Variants in RAD51B observed in about 807,000 individuals in gnomAD.
RAD51B encodes the protein RAD51 paralog B.
Under a neutral mutation model 42.2 loss-of-function variants are expected in RAD51B, and 38 were observed. The ratio of observed to expected loss-of-function variants is 0.90; its 90% CI spans 0.70 to 1.18. The LOEUF (loss-of-function observed/expected upper bound fraction) is 1.18. Ranked by LOEUF, RAD51B falls within the 50% of genes most tolerant of loss-of-function variation. The probability of loss-of-function intolerance (pLI) is 0.00; values close to 1 mark genes in which losing one functional copy is unlikely to be tolerated. For synonymous variants in RAD51B, 154 were observed against 145.2 expected, an observed-to-expected ratio of 1.06 and a Z score of -0.43; for missense variants, 373 against 400.7, an observed-to-expected ratio of 0.93 and a Z score of 0.59.
At chr14:68,556,508 G>A (rs898665733) in intron 10 of RAD51B, among the ~76,000 whole-genome samples, 2 of 152,316 alleles carry the variant, frequency 1.3e-5, no homozygotes, top group East Asian at 3.9e-4. Flanking sequence ...GGGATGGGGA[G>A]AGAGCGGCCT....
chr14:68,233,800 G>C (rs1381665912), intron 7 of RAD51B, among the ~76,000 whole-genome samples: 1 of 152,214 alleles, frequency 6.6e-6, no homozygotes, highest in Non-Finnish European at 1.5e-5. Context: ...AGGTGTGAAA[G>C]AGCATAGTAT....
At chr14:68,196,386 G>C (rs773851907) in intron 7 of RAD51B, among the ~76,000 whole-genome samples, 1 of 151,934 alleles carries the variant, frequency 6.6e-6, no homozygotes, top group Non-Finnish European at 1.5e-5. Flanking sequence ...TGTACTTTTA[G>C]AATTCAACGT....
intron 7 of RAD51B, among the ~76,000 whole-genome samples, chr14:67,892,750 C>A (rs138806068): frequency 1.3e-3 from 197 of 152,320 alleles, no homozygotes; most frequent in Non-Finnish European, 2.3e-3. Flanking sequence ...AGGTCATCTG[C>A]ATGCAGGCAT....
intron 11 of RAD51B, among the ~76,000 whole-genome samples, chr14:68,676,533 G>A (rs1182097246): frequency 6.6e-6 from 1 of 152,232 alleles, no homozygotes; most frequent in South Asian, 2.1e-4. Context: ...AAGCCGGGGA[G>A]TTAGGGCTAC....
chr14:68,387,768 T>C (rs1459841984), intron 8 of RAD51B, among the ~76,000 whole-genome samples: 1 of 151,990 alleles, frequency 6.6e-6, no homozygotes, highest in African/African-American at 2.4e-5. Flanking sequence ...ACACACACAC[T>C]CTACCACTAC....
chr14:68,030,300 A>G (rs2076021082), intron 7 of RAD51B, among the ~76,000 whole-genome samples: 1 of 152,204 alleles, frequency 6.6e-6, no homozygotes, highest in Non-Finnish European at 1.5e-5. Flanking sequence ...TCTTCTTCCA[A>G]TAGAAGGCTG....
chr14:67,994,264 A>C (rs1031217011), intron 7 of RAD51B, among the ~76,000 whole-genome samples: 6 of 151,850 alleles, frequency 4.0e-5, no homozygotes, highest in African/African-American at 1.5e-4. Context: ...TCTTAGATAA[A>C]TATTTTTTAG....
At chr14:68,359,802 C>T (rs8009813) in intron 8 of RAD51B, among the ~76,000 whole-genome samples, 13,940 of 152,182 alleles carry the variant, frequency 0.092, 705 homozygotes, top group African/African-American at 0.11. Context: ...ATTTAGAAGC[C>T]AGAACTGTCT....
intron 10 of RAD51B, among the ~76,000 whole-genome samples, chr14:68,474,470 A>T (rs1330390403): frequency 6.6e-6 from 1 of 152,230 alleles, no homozygotes. Flanking sequence ...CCTAAAGTTA[A>T]CTATATAATA....
At position 68,637,713 on chromosome 14, in the gene RAD51B, G is replaced by A. The variant is rs756069538; in HGVS notation, c.1037-13068G>A. ...GGATGTGAATAAGACATAAAGAAGC[G>A]TTTCATCAGTGGGGATGGAAAAGAA... On this transcript the variant is annotated intron_variant, in intron 10 of 11. Coordinates refer to the RAD51B transcript ENST00000488612. Among the ~76,000 whole-genome samples the A allele has an allele frequency of 7.2e-5, 11 of 152,190 alleles. 1 individual carries two copies. The highest frequency in any genetic ancestry group is 4.1e-4 in the South Asian group (2 of 4,834).
intron 10 of RAD51B, among the ~76,000 whole-genome samples, chr14:68,553,629 C>T (rs1888684622): frequency 6.7e-6 from 1 of 149,486 alleles, no homozygotes; most frequent in Non-Finnish European, 1.5e-5. Context: ...ACCTAGGTCA[C>T]ACTGTGTGAT....
At chr14:68,454,375 A>T (rs1012433179) in intron 9 of RAD51B, among the ~76,000 whole-genome samples, 20 of 152,222 alleles carry the variant, frequency 1.3e-4, no homozygotes, top group Admixed American at 6.5e-5. Context: ...CTTCTTCAGA[A>T]TTCTGGAAAT....
At chr14:68,125,837 T>C (rs554355262) in intron 7 of RAD51B, among the ~76,000 whole-genome samples, 1 of 152,278 alleles carries the variant, frequency 6.6e-6, no homozygotes, top group South Asian at 2.1e-4. Flanking sequence ...TGAAAATTGA[T>C]GGAAGGCTCT....
At chr14:68,063,953 T>C (rs1383863832) in intron 7 of RAD51B, among the ~76,000 whole-genome samples, 8 of 152,228 alleles carry the variant, frequency 5.3e-5, no homozygotes, top group Admixed American at 5.2e-4. Context: ...TCTTTTTCCT[T>C]TTTCTTAATT....
intron 7 of RAD51B, among the ~76,000 whole-genome samples, chr14:68,031,349 C>A (rs2076038829): frequency 6.6e-6 from 1 of 152,114 alleles, no homozygotes. Flanking sequence ...CTGGCCCTGC[C>A]CTTGATACCT....
intron 11 of RAD51B, among the ~76,000 whole-genome samples, chr14:68,668,676 A>T (rs1312122576): frequency 6.6e-6 from 1 of 152,228 alleles, no homozygotes; most frequent in South Asian, 2.1e-4. Context: ...ATTATGATCC[A>T]TGGCTCCCCT....
chr14:68,095,917 A>G (rs1410317697), intron 7 of RAD51B, among the ~76,000 whole-genome samples: 1 of 146,506 alleles, frequency 6.8e-6, no homozygotes, highest in African/African-American at 2.6e-5. Context: ...CAGAGCTTGC[A>G]TGAGCCAAGA....
intron 10 of RAD51B, among the ~76,000 whole-genome samples, chr14:68,648,042 C>CAA (rs1892603636): frequency 1.4e-5 from 1 of 71,472 alleles, no homozygotes; most frequent in African/African-American, 4.8e-5. Flanking sequence ...TATATACACA[C>CAA]GTATATAGAT....
rs185265880 is a variant in RAD51B, at chr14:68,204,674, C to T, written c.757-87210C>T. 2.4e-3 allele frequency among the ~76,000 whole-genome samples: 372 copies of T among 152,216 alleles called. 3 individuals carry two copies. The highest frequency in any genetic ancestry group is 8.3e-3 in the African/African-American group (344 of 41,528). ...GGTATGTCTCTAGTGTGTTTGTGTA[C>T]ATTAAGTGGTGGAAGATGTGATTTA... On this transcript the variant is annotated intron_variant, in intron 7 of 10. Transcript: ENST00000471583.
Sources: allele counts gnomAD v4.1 joint callset (sites outside exome capture counted in the v4.1 genomes callset), GRCh38; gene constraint gnomAD v4.1.1; transcripts MANE v1.5; gene names NCBI Gene and HGNC (gene_info 2026-07-23, HGNC 2026-07-21).